Variants in TDRD15 observed in about 807,000 individuals in gnomAD.
The protein encoded by TDRD15 is tudor domain containing 15, also known as tudor domain-containing protein 15.
For synonymous variants in TDRD15, 503 were observed against 314.5 expected, an observed-to-expected ratio of 1.60 and a Z score of -6.34; for missense variants, 1,416 against 904.7, an observed-to-expected ratio of 1.57 and a Z score of -7.25.
chr2:21,128,636 T>C (rs935167441), intron 2 of TDRD15, among the ~76,000 whole-genome samples: 30 of 152,280 alleles, frequency 2.0e-4, no homozygotes, highest in Middle Eastern at 3.4e-3. Context: ...TTCTTTTCTG[T>C]ATAGCAATTT....
Position 21,143,090 on chromosome 2 carries a change from A to C in TDRD15, c.5623A>C (p.Lys1875Gln), listed in dbSNP as rs1487997358. The C allele has an allele frequency of 1.4e-6, 1 of 695,698 alleles. No individual in the cohort carries two copies. Among genetic ancestry groups the C allele is most frequent in the Non-Finnish European group, 2.6e-6 (1 of 378,394 alleles). 43.1% of individuals were successfully genotyped at this position (695,698 alleles called of 1,614,324 possible). A position where few individuals can be genotyped will look rare whatever the true frequency, so the allele number is the denominator to read the frequency against. ...AKIFFRDFLS[K>Q]PDLVFQFREY... ...AATCTTTTTTCGAGATTTCCTAAGT[A>C]AACCAGACTTAGTTTTTCAGTTTAG... The change falls in exon 4 of 4, where the codon AAA becomes CAA. Residue 1875 changes from lysine (K) to glutamine (Q), a missense_variant. Coordinates refer to ENST00000405799, the MANE Select transcript of TDRD15 (RefSeq NM_001306137.2).
rs1250160687 is a variant in TDRD15, at chr2:21,139,267, T to C, written c.1800T>C (p.His600=). The part of the protein sequence containing the change: ...PALAMCCSLA[H]IFPVEDLWTK... ...TAGCGATGTGCTGTTCACTTGCACA[T>C]ATATTTCCTGTTGAAGATTTATGGA... Residue 600 remains histidine (H), a synonymous_variant, in exon 4 of 4, where the codon CAT becomes CAC. Coordinates refer to ENST00000405799, the MANE Select transcript of TDRD15 (RefSeq NM_001306137.2). The C allele has an allele frequency of 5.6e-6, 4 of 714,304 alleles. No homozygotes were observed. In the Admixed American group the frequency reaches 6.0e-5, roughly 11 times the overall value. The allele number at this position is 714,304 out of a possible 1,614,324, so 44.2% of individuals were successfully genotyped here. A position where few individuals can be genotyped will look rare whatever the true frequency, so the allele number is the denominator to read the frequency against.
At chr2:21,144,889 C>T (rs943577516), downstream of TDRD15, among the ~76,000 whole-genome samples, 10 of 151,926 alleles carry the variant, frequency 6.6e-5, no homozygotes, top group Admixed American at 6.6e-5. Flanking sequence ...ATTATTTAGA[C>T]TTACACAGAC....
chr2:21,142,478 G>A lies in TDRD15; in HGVS notation c.5011G>A (p.Asp1671Asn). 2.8e-6 allele frequency: 2 copies of A among 705,084 alleles called. No individual in the cohort carries two copies. The highest frequency in any genetic ancestry group is 1.5e-5 in the South Asian group (1 of 64,974). The allele number at this position is 705,084 out of a possible 1,614,324, so 43.7% of individuals were successfully genotyped here. A position where few individuals can be genotyped will look rare whatever the true frequency, so the allele number is the denominator to read the frequency against. Residue 1671 changes from aspartate (D) to asparagine (N), a missense_variant, in exon 4 of 4, where the codon GAT (aspartate) becomes AAT (asparagine). Coordinates refer to ENST00000405799, the MANE Select transcript of TDRD15 (RefSeq NM_001306137.2). ...EINILFLKYL[D>N]AVWEVEILVD... is the part of the protein sequence containing the mutation. ...AAATATTCTTTTCCTGAAATATTTA[G>A]ATGCTGTTTGGGAAGTAGAAATTTT...
rs1333686120 is a variant in TDRD15 at position 21,141,025 on chromosome 2, T to G, written c.3558T>G (p.Ser1186Arg). 1.4e-6 allele frequency: 1 copy of G among 709,260 alleles called. No individual in the cohort carries two copies. The highest frequency in any genetic ancestry group is 2.7e-5 in the East Asian group (1 of 37,248). The allele number at this position is 709,260 out of a possible 1,614,324, so 43.9% of individuals were successfully genotyped here. A position where few individuals can be genotyped will look rare whatever the true frequency, so the allele number is the denominator to read the frequency against. ...NYRHNVINKPSPVTYSERKID... is the reference protein window; with the variant it reads ...NYRHNVINKPRPVTYSERKID... ...GCCATAATGTGATAAATAAACCTAG[T>G]CCAGTAACATATTCCGAAAGAAAAA... The change falls in exon 4 of 4, where the codon AGT becomes AGG. Residue 1186 changes from serine (S) to arginine (R), a missense_variant. Coordinates refer to ENST00000405799, the MANE Select transcript of TDRD15 (RefSeq NM_001306137.2).
intron 3 of TDRD15, 140 bp from the exon 4 acceptor site, chr2:21,137,325 A>G (rs1665826658): frequency 2.3e-6 from 1 of 432,516 alleles, no homozygotes; most frequent in Non-Finnish European, 4.2e-6. Flanking sequence ...CTCATTCGAT[A>G]TGTATAATTT....
Position 21,124,248 on chromosome 2 carries a change from C to T in TDRD15, c.-201+202C>T, listed in dbSNP as rs373843409. Among the ~76,000 whole-genome samples, 12 of 152,300 alleles carry T rather than the reference C, an allele frequency of 7.9e-5. No homozygotes were observed. In the South Asian group the frequency reaches 2.5e-3, roughly 32 times the overall value. On this transcript the variant is annotated intron_variant, in intron 1 of 3. Transcript: ENST00000405799. The stretch of plus-strand genomic sequence containing the variant: ...GGCGGCGGCTCAGATTCAGCCCTCC[C>T]ACCCGGGAGCAGCAGCCCTTCCTCG...
rs1034881091 is a variant in TDRD15, at chr2:21,143,540, A to T, written c.*268A>T. 2.7e-4 allele frequency among the ~76,000 whole-genome samples: 41 copies of T among 151,744 alleles called. No homozygotes were observed. Among genetic ancestry groups the T allele is most frequent in the Non-Finnish European group, 2.5e-4 (17 of 67,672 alleles). Reference sequence around the variant, plus strand: ...ACAGCTTCATTTTGGGAACTGCCTGATGGTTTGAAGAACAGCAGTCACGTT... The same window carrying T: ...ACAGCTTCATTTTGGGAACTGCCTGTTGGTTTGAAGAACAGCAGTCACGTT... On this transcript the variant is annotated 3_prime_UTR_variant, in exon 4 of 4. Coordinates refer to ENST00000405799, the MANE Select transcript of TDRD15 (RefSeq NM_001306137.2).
chr2:21,126,219 A>G (rs781447326), intron 1 of TDRD15, among the ~76,000 whole-genome samples: 1 of 152,148 alleles, frequency 6.6e-6, no homozygotes, highest in East Asian at 1.9e-4. Context: ...ATCCAAGTCA[A>G]TCACTGATCT....
chr2:21,145,633 T>C (rs866369537), downstream of TDRD15, among the ~76,000 whole-genome samples: 3 of 152,018 alleles, frequency 2.0e-5, no homozygotes, highest in African/African-American at 2.4e-5. Context: ...ATGACAAATA[T>C]AAGAAATATG....
intron 2 of TDRD15, among the ~76,000 whole-genome samples, chr2:21,129,897 C>T (rs1225081146): frequency 6.6e-6 from 1 of 152,316 alleles, no homozygotes; most frequent in South Asian, 2.1e-4. Flanking sequence ...CAAGGGGCCA[C>T]CTCTGGTGAG....
Position 21,139,716 on chromosome 2 carries a change from A to T in TDRD15, c.2249A>T (p.Tyr750Phe), listed in dbSNP as rs1355355528. 2.8e-6 allele frequency: 2 copies of T among 715,224 alleles called. No homozygotes were observed. The highest frequency in any genetic ancestry group is 5.2e-6 in the Non-Finnish European group (2 of 383,896). The allele number at this position is 715,224 out of a possible 1,614,324, so 44.3% of individuals were successfully genotyped here. Residue 750 changes from tyrosine to phenylalanine, a missense_variant, in exon 4 of 4, where the codon TAT (tyrosine) becomes TTT (phenylalanine). Coordinates refer to ENST00000405799, the MANE Select transcript of TDRD15 (RefSeq NM_001306137.2). ...GPESSWPYKE[Y>F]IFRPGTVLEV... Reference sequence around the variant, plus strand: ...GAGTCATCCTGGCCTTATAAAGAATATATTTTTAGACCAGGAACAGTTCTT... The same window carrying T: ...GAGTCATCCTGGCCTTATAAAGAATTTATTTTTAGACCAGGAACAGTTCTT...
rs570696153 is a variant in TDRD15 at position 21,139,680 on chromosome 2, C to G, written c.2213C>G (p.Ser738Cys). 14 of 713,352 alleles carry G rather than the reference C, an allele frequency of 2.0e-5. No individual in the cohort carries two copies. In the African/African-American group the frequency reaches 2.3e-4, roughly 12 times the overall value. 44.2% of individuals were successfully genotyped at this position (713,352 alleles called of 1,614,324 possible). Residue 738 changes from serine (S) to cysteine (C), a missense_variant, in exon 4 of 4, where the codon TCT becomes TGT. Ser to Cys is a moderately radical substitution (Grantham distance 112, BLOSUM62 -1). Transcript: ENST00000405799. ...GAATTTAAAAATCCTTTCACCTTGT[C>G]TGTGGGACCTGAGTCATCCTGGCCT... ...ISEFKNPFTL[S>C]VGPESSWPYK...
At chr2:21,129,293 A>G (rs940644709) in intron 2 of TDRD15, among the ~76,000 whole-genome samples, 13 of 152,156 alleles carry the variant, frequency 8.5e-5, no homozygotes, top group African/African-American at 3.1e-4. Flanking sequence ...GGAATCACCA[A>G]ACTTTTTGAA....
At chr2:21,124,620 GGT>G (rs1304119528) in intron 1 of TDRD15, among the ~76,000 whole-genome samples, 2 of 140,072 alleles carry the variant, frequency 1.4e-5, no homozygotes, top group Non-Finnish European at 3.1e-5. Flanking sequence ...CTAATGTCAG[GGT>G]GTGTGTGTGT....
At position 21,141,353 on chromosome 2, in the gene TDRD15, A is replaced by G; in HGVS notation, c.3886A>G (p.Lys1296Glu). 1 of 715,890 alleles carries G rather than the reference A, an allele frequency of 1.4e-6. No individual in the cohort carries two copies. The highest frequency in any genetic ancestry group is 2.6e-6 in the Non-Finnish European group (1 of 383,922). 44.3% of individuals were successfully genotyped at this position (715,890 alleles called of 1,614,324 possible). A position where few individuals can be genotyped will look rare whatever the true frequency, so the allele number is the denominator to read the frequency against. ...TCAACCGCAAATTTATTTGAATGCC[A>G]AAGTTAAAGGGTATGTATCTAATAT... ...LPQPQIYLNA[K>E]VKGYVSNISN... Residue 1296 changes from lysine to glutamate, a missense_variant, in exon 4 of 4, where the codon AAA becomes GAA. Transcript: ENST00000405799.
At position 21,138,095 on chromosome 2, in the gene TDRD15, C is replaced by T. The variant is rs552288519; in HGVS notation, c.628C>T (p.His210Tyr). The change falls in exon 4 of 4, where the codon CAT becomes TAT. Residue 210 changes from histidine to tyrosine, a missense_variant. Physicochemically the swap from His to Tyr is moderately conservative, Grantham distance 83. Transcript: ENST00000405799. ...TCAACAAATGCCAGATTTATTACAA[C>T]ATAAAAGGCCTGAATTGTCATTAGG... ...FPQQMPDLLQ[H>Y]KRPELSLGNK... 1.7e-5 allele frequency: 12 copies of T among 716,186 alleles called. No individual in the cohort carries two copies. In the South Asian group the frequency reaches 1.8e-4, roughly 11 times the overall value. The allele number at this position is 716,186 out of a possible 1,614,324, so 44.4% of individuals were successfully genotyped here. A position where few individuals can be genotyped will look rare whatever the true frequency, so the allele number is the denominator to read the frequency against.
At position 21,140,706 on chromosome 2, in the gene TDRD15, G is replaced by A; in HGVS notation, c.3239G>A (p.Cys1080Tyr). ...TTTACACCTATGCAAGCTATTAAGT[G>A]TTTTTTGTCAGATCTTAGGGATGTA... ...LLFTPMQAIKCFLSDLRDVDI... is the reference protein window; with the variant it reads ...LLFTPMQAIKYFLSDLRDVDI... The change falls in exon 4 of 4, where the codon TGT becomes TAT. Residue 1080 changes from cysteine to tyrosine, a missense_variant. Transcript: ENST00000405799. The A allele has an allele frequency of 1.4e-6, 1 of 713,746 alleles. No homozygotes were observed. Among genetic ancestry groups the A allele is most frequent in the South Asian group, 1.5e-5 (1 of 67,132 alleles). The allele number at this position is 713,746 out of a possible 1,614,324, so 44.2% of individuals were successfully genotyped here.
intron 1 of TDRD15, among the ~76,000 whole-genome samples, chr2:21,124,594 G>C (rs1234202494): frequency 6.7e-6 from 1 of 149,350 alleles, no homozygotes; most frequent in Non-Finnish European, 1.5e-5. Context: ...CAGGGTGTGT[G>C]TGTGTGAGAG....
Sources: allele counts gnomAD v4.1 joint callset (sites outside exome capture counted in the v4.1 genomes callset), GRCh38; gene constraint gnomAD v4.1.1; transcripts MANE v1.5; gene names NCBI Gene and HGNC (gene_info 2026-07-23, HGNC 2026-07-21).